ATRX: variants seen among roughly 807,000 people sequenced by gnomAD.
The protein encoded by ATRX is ATRX chromatin remodeler, also known as chromatin remodeler ATRX.
In ATRX, 12 loss-of-function variants were observed where a neutral mutation model predicts 172.6. That is an observed-to-expected ratio of 0.07 (90% CI 0.04 to 0.11). The LOEUF is 0.11. Ranked by LOEUF, ATRX falls within the 10% of genes least tolerant of loss-of-function variation. The pLI, the probability that ATRX is intolerant of heterozygous loss-of-function variation, is 1.00. For synonymous variants in ATRX, 674 were observed against 594.7 expected, an observed-to-expected ratio of 1.13 and a Z score of -1.94; for missense variants, 1,368 against 1,767.4, an observed-to-expected ratio of 0.77 and a Z score of 4.05.
intron 27 of ATRX, among the ~76,000 whole-genome samples, chrX:77,574,800 T>C (rs1214812825): frequency 9.0e-6 from 1 of 111,604 alleles, no homozygotes; most frequent in Non-Finnish European, 1.9e-5. Flanking sequence ...GAACAAATCT[T>C]TACTGAATGC....
rs182430427 is a variant in ATRX at position 77,574,182 on chromosome X, G to C, written c.6326+68C>G. ...AACATTCAAATACACAATAAAAATA[G>C]TGAACTTTATGTAAATTTTAAAATT... On this transcript the variant is annotated intron_variant, in intron 28 of 34. Coordinates refer to ENST00000373344, the MANE Select transcript of ATRX (RefSeq NM_000489.6). 44 of 775,046 alleles carry C rather than the reference G, an allele frequency of 5.7e-5. No homozygotes were observed. The East Asian group carries it at 1.5e-3, about 27-fold the overall frequency. The allele number at this position is 775,046 out of a possible 1,213,427, so 63.9% of individuals were successfully genotyped here. A position where few individuals can be genotyped will look rare whatever the true frequency, so the allele number is the denominator to read the frequency against.
At chrX:77,676,892 C>T (rs1557133862) in intron 9 of ATRX, among the ~76,000 whole-genome samples, 3 of 111,967 alleles carry the variant, frequency 2.7e-5, no homozygotes, top group Admixed American at 1.9e-4. Flanking sequence ...GAAGCCAAGG[C>T]AAGCGGATCA....
chrX:77,572,378 C>T (rs1557067946), intron 28 of ATRX, among the ~76,000 whole-genome samples: 1 of 111,333 alleles, frequency 9.0e-6, no homozygotes, highest in Non-Finnish European at 1.9e-5. Context: ...TGAAAAAAAT[C>T]CCATATCTGA....
intron 30 of ATRX, among the ~76,000 whole-genome samples, chrX:77,533,507 A>G (rs1029735228): frequency 1.8e-5 from 2 of 111,922 alleles, no homozygotes; most frequent in Non-Finnish European, 3.8e-5. Context: ...GATGGAAGCC[A>G]TTATTCTCAA....
At chrX:77,674,450 G>A (rs1284693731) in intron 10 of ATRX, 1 of 111,053 alleles carries the variant, frequency 9.0e-6, no homozygotes, top group Admixed American at 9.6e-5. Context: ...GTACTCAACA[G>A]GGTTGTATTT....
At chrX:77,753,657 G>A (rs2075381762) in intron 1 of ATRX, among the ~76,000 whole-genome samples, 1 of 111,799 alleles carries the variant, frequency 8.9e-6, no homozygotes, top group Non-Finnish European at 1.9e-5. Context: ...TTTCTGGTAC[G>A]TTGTCTCTTT....
intron 27 of ATRX, among the ~76,000 whole-genome samples, chrX:77,586,995 T>C (rs781867329): frequency 9.2e-5 from 10 of 108,762 alleles, no homozygotes; most frequent in Admixed American, 2.0e-4. Context: ...GCAGAGGCTG[T>C]AGTGAGCCAA....
chrX:77,577,913 A>G (rs1557071462), intron 27 of ATRX, among the ~76,000 whole-genome samples: 2 of 111,882 alleles, frequency 1.8e-5, no homozygotes, highest in Non-Finnish European at 3.8e-5. Context: ...ATAGTACCTG[A>G]TCTTAACTTC....
At chrX:77,630,978 T>C (rs782598637) in intron 19 of ATRX, among the ~76,000 whole-genome samples, 1 of 111,379 alleles carries the variant, frequency 9.0e-6, no homozygotes, top group South Asian at 3.7e-4. Context: ...GCAAATTATA[T>C]GGGTGTGTTT....
intron 1 of ATRX, among the ~76,000 whole-genome samples, chrX:77,721,715 A>G (rs1487235495): frequency 1.8e-5 from 2 of 112,162 alleles, no homozygotes; most frequent in African/African-American, 6.5e-5. Context: ...ATGGATAGGA[A>G]GAATCAATAT....
chrX:77,658,911 C>T (rs868972276), intron 12 of ATRX, among the ~76,000 whole-genome samples: 1 of 111,560 alleles, frequency 9.0e-6, no homozygotes, highest in African/African-American at 3.3e-5. Flanking sequence ...AGAATTGTTT[C>T]AAAATAATTT....
At chrX:77,616,542 A>G in intron 22 of ATRX, 71 bp downstream of exon 22, 1 of 1,160,869 alleles carries the variant, frequency 8.6e-7, no homozygotes, top group South Asian at 1.8e-5. Flanking sequence ...TAGTAAGATG[A>G]CTGAAATAAT....
chrX:77,599,358 T>C (rs1179125454), intron 25 of ATRX, 53 bp downstream of exon 25: 24 of 1,182,172 alleles, frequency 2.0e-5, no homozygotes, highest in Non-Finnish European at 2.8e-5. Flanking sequence ...ACTAACGACA[T>C]GACATTTTCC....
chrX:77,553,427 A>G (rs1451027126), intron 30 of ATRX, among the ~76,000 whole-genome samples: 1 of 111,400 alleles, frequency 9.0e-6, no homozygotes, highest in Non-Finnish European at 1.9e-5. Context: ...ATTTTTTTCT[A>G]AAATGAAAAT....
Position 77,652,318 on chromosome X carries a change from CTCT to C in ATRX, c.4350_4352del (p.Glu1464del), listed in dbSNP as rs587780288. On this transcript the variant is annotated inframe_deletion, in exon 15 of 35. Coordinates refer to ENST00000373344, the MANE Select transcript of ATRX (RefSeq NM_000489.6). Reference sequence around the variant, plus strand: ...CCTCCTCCTCCTCCTCTTCCTCCTCCTCTTCTTTTTCCTCCTCTTCTTCCTCAG... The same window carrying C: ...CCTCCTCCTCCTCCTCTTCCTCCTCCTCTTTTTCCTCCTCTTCTTCCTCAG... 38 of 1,204,640 alleles carry C rather than the reference CTCT, an allele frequency of 3.2e-5. No individual in the cohort carries two copies. Among genetic ancestry groups the C allele is most frequent in the South Asian group, 2.5e-4 (14 of 56,719 alleles).
chrX:77,765,797 T>C (rs1420920922), intron 1 of ATRX, among the ~76,000 whole-genome samples: 1 of 108,828 alleles, frequency 9.2e-6, no homozygotes. Context: ...GATAAACAAG[T>C]GAACAAAGGT....
intron 1 of ATRX, among the ~76,000 whole-genome samples, chrX:77,731,072 C>T (rs1208382519): frequency 9.7e-6 from 1 of 103,357 alleles, no homozygotes; most frequent in African/African-American, 3.5e-5. Flanking sequence ...AATTTAAAAA[C>T]CTTTGGCCAG....
In ATRX at chrX:77,510,125, C is replaced by A. The variant is rs782311247; in HGVS notation, c.7201-1496G>T. ...AGCCACAGTAGGACAGGGCACCAGG[C>A]AGAGTCCTGAGGCCCTTGTTCCAGG... On this transcript the variant is annotated intron_variant, in intron 34 of 34. Coordinates refer to ENST00000373344, the MANE Select transcript of ATRX (RefSeq NM_000489.6). Among the ~76,000 whole-genome samples the A allele has an allele frequency of 9.6e-4, 108 of 112,176 alleles. 1 individual carries two copies. The highest frequency in any genetic ancestry group is 1.5e-3 in the Non-Finnish European group (80 of 53,188).
At chrX:77,660,437 C>T (rs1162519154) in intron 12 of ATRX, among the ~76,000 whole-genome samples, 2 of 109,116 alleles carry the variant, frequency 1.8e-5, no homozygotes, top group Non-Finnish European at 3.8e-5. Context: ...TGGTGGTGGG[C>T]GCCTGTAGTC....
Sources: gnomAD v4.1 joint callset for allele counts (sites outside exome capture counted in the v4.1 genomes callset) on GRCh38, gnomAD v4.1.1 for gene constraint, MANE v1.5 for transcripts, NCBI Gene and HGNC (gene_info 2026-07-23, HGNC 2026-07-21) for gene names.